DDX27: variants seen among roughly 807,000 people sequenced by gnomAD.
DDX27 encodes probable ATP-dependent RNA helicase DDX27.
A neutral mutation model predicts 99.3 loss-of-function variants in DDX27; 42 were observed. The ratio of observed to expected loss-of-function variants is 0.42; its 90% CI spans 0.33 to 0.55. The LOEUF is 0.55. DDX27 is among the 20% of genes least tolerant of loss of function. DDX27 has a pLI of 0.07. For missense variants in DDX27, 798 were observed against 976.8 expected (o/e 0.82, Z 2.44); for synonymous variants, 329 against 353.8 (o/e 0.93, Z 0.79).
intron 4 of DDX27, among the ~76,000 whole-genome samples, chr20:49,224,449 G>A (rs532431380): frequency 1.4e-5 from 2 of 147,296 alleles, no homozygotes; most frequent in African/African-American, 5.0e-5. Flanking sequence ...TGCAACCTCT[G>A]CCTCCCGGGT....
In DDX27 at chr20:49,241,987, A is replaced by G; in HGVS notation, c.1992A>G (p.Thr664=). The stretch of plus-strand genomic sequence containing the variant: ...ATGCCAAAAAAAAGGGGGAGATGAC[A>G]GTGAGTGGCCTCCCTTTTGGAGTTT... The part of the protein sequence containing the change: ...MKDAKKKGEM[T]AEERSQFEIL... The change falls in exon 17 of 21, where the codon ACA becomes ACG. Residue 664 remains threonine (T), a splice_region_variant and synonymous_variant. Transcript: ENST00000618172. 8.7e-6 allele frequency: 14 copies of G among 1,613,832 alleles called. No homozygotes were observed. The highest frequency in any genetic ancestry group is 1.2e-5 in the Non-Finnish European group (14 of 1,179,908).
chr20:49,232,923 T>G, intron 9 of DDX27: 1 of 100,068 alleles, frequency 1.0e-5, no homozygotes, highest in African/African-American at 3.6e-5. Flanking sequence ...AAACTCCATC[T>G]CAAAAAAAAA....
chr20:49,235,972 TGACCTC>T (rs887205880), intron 12 of DDX27, 172 bp from the exon 13 acceptor site: 1 of 460,706 alleles, frequency 2.2e-6, no homozygotes, highest in Non-Finnish European at 3.9e-6. Flanking sequence ...CTCGATCTCC[TGACCTC>T]GTGATCTGCC....
In DDX27 at chr20:49,228,768, C is replaced by A. The variant is rs202187886; in HGVS notation, c.760C>A (p.Arg254Ser). ...PVLERLIYKP[R>S]QAPVTRVLVL... ...TTTGGAGCGTCTGATTTATAAACCC[C>A]GCCAGGCTCCAGTCACCCGCGTGCT... Residue 254 changes from arginine (R) to serine (S), a missense_variant, in exon 8 of 21, where the codon CGC (arginine) becomes AGC (serine). Arg to Ser is a moderately radical substitution (Grantham distance 110). Around this residue, in one of 2 missense-constraint regions of DDX27, gnomAD observed 553 missense variants for 727.9 expected, o/e 0.76. Coordinates refer to ENST00000618172, the MANE Select transcript of DDX27 (RefSeq NM_017895.8). 1.2e-6 allele frequency: 2 copies of A among 1,613,068 alleles called. No individual in the cohort carries two copies. The highest frequency in any genetic ancestry group is 4.5e-5 in the East Asian group (2 of 44,760).
chr20:49,222,161 C>G (rs1310275025), intron 2 of DDX27, among the ~76,000 whole-genome samples: 1 of 151,942 alleles, frequency 6.6e-6, no homozygotes, highest in Middle Eastern at 3.4e-3. Context: ...GAGACAGAGT[C>G]TCTCTCCATT....
Position 49,236,525 on chromosome 20 carries a change from CT to C in DDX27, c.1687+16del. ...ACTTCCCCAAGGTGAGCAGGCACCC[CT>C]GTGGCAGTGCAGAATGGCTCGGTGG... On this transcript the variant is annotated intron_variant, in intron 14 of 20. Transcript: ENST00000618172. This position sits in a 1 kb window ranked among gnomAD's most constrained non-coding sequence, Gnocchi z 4.1. 1.3e-6 allele frequency: 2 copies of C among 1,556,826 alleles called. No individual in the cohort carries two copies. Among genetic ancestry groups the C allele is most frequent in the Non-Finnish European group, 1.7e-6 (2 of 1,150,556 alleles).
Position 49,225,168 on chromosome 20 carries a change from A to C in DDX27, c.569A>C (p.Gln190Pro). The change falls in exon 6 of 21, where the codon CAG becomes CCG. Residue 190 changes from glutamine to proline, a missense_variant. By Grantham distance (76) the Gln-to-Pro change is moderately conservative (BLOSUM62 -1). Coordinates refer to ENST00000618172, the MANE Select transcript of DDX27 (RefSeq NM_017895.8). ...CAGTACGATGAAAACCTCTCGTTCC[A>C]GGACATGAACCTTTCCCGCCCTCTT... The part of the protein sequence containing the change: ...ASQYDENLSF[Q>P]DMNLSRPLLK... 1 of 1,614,118 alleles carries C rather than the reference A, an allele frequency of 6.2e-7. No homozygotes were observed.
rs1980317520 is a variant in DDX27 at position 49,236,575 on chromosome 20, G to A, written c.1687+65G>A. ...GGGCGGGGCAAGGACAGAGTGTAAT[G>A]GCTGAGAGCAGGTACTTTGCAGTTC... On this transcript the variant is annotated intron_variant, in intron 14 of 20. Coordinates refer to ENST00000618172, the MANE Select transcript of DDX27 (RefSeq NM_017895.8). The surrounding 1 kb of genome is among the most constrained non-coding windows in gnomAD (Gnocchi z 4.1). 1 of 1,453,272 alleles carries A rather than the reference G, an allele frequency of 6.9e-7. No homozygotes were observed. The highest frequency in any genetic ancestry group is 1.4e-5 in the African/African-American group (1 of 70,172). 90.0% of individuals were successfully genotyped at this position (1,453,272 alleles called of 1,614,324 possible).
At position 49,219,549 on chromosome 20, in the gene DDX27, C is replaced by T. The variant is rs1368273984; in HGVS notation, c.93+8C>T. On this transcript the variant is annotated splice_region_variant and intron_variant, in intron 1 of 20. Transcript: ENST00000618172. ...GGGGACGAGGAAGAGGAGGTATGAG[C>T]ACGGTTCTGGTCTTTGGGTTTCCTT... The T allele has an allele frequency of 6.2e-7, 1 of 1,612,180 alleles. No homozygotes were observed. The highest frequency in any genetic ancestry group is 8.5e-7 in the Non-Finnish European group (1 of 1,178,974).
At position 49,235,032 on chromosome 20, in the gene DDX27, G is replaced by GCT; in HGVS notation, c.1372_1373insTC (p.Gln458LeufsTer48). 6.2e-7 allele frequency: 1 copy of GCT among 1,613,464 alleles called. No homozygotes were observed. The highest frequency in any genetic ancestry group is 8.5e-7 in the Non-Finnish European group (1 of 1,179,744). ...ACATCCTCCTGGGGCTCATGGGGCTGCAGGTGGGTGAGCTCCATGGCAACT... is the reference window on the plus strand; with the variant it reads ...ACATCCTCCTGGGGCTCATGGGGCTGCTCAGGTGGGTGAGCTCCATGGCAACT... On this transcript the variant is annotated frameshift_variant, in exon 12 of 21. Transcript: ENST00000618172. LOFTEE classifies it high-confidence loss of function.
At chr20:49,222,649 G>T (rs992650709) in intron 2 of DDX27, among the ~76,000 whole-genome samples, 6 of 152,024 alleles carry the variant, frequency 3.9e-5, no homozygotes, top group African/African-American at 1.4e-4. Flanking sequence ...CGAGTAGCTG[G>T]GATTACAGGC....
At position 49,242,675 on chromosome 20, in the gene DDX27, G is replaced by A. The variant is rs1283744604; in HGVS notation, c.2198G>A (p.Arg733Gln). 5 of 1,613,008 alleles carry A rather than the reference G, an allele frequency of 3.1e-6. No homozygotes were observed. The highest frequency in any genetic ancestry group is 4.2e-6 in the Non-Finnish European group (5 of 1,179,502). Residue 733 changes from arginine to glutamine, a missense_variant, in exon 19 of 21, where the codon CGA (arginine) becomes CAA (glutamine). This residue lies in a region of DDX27 where 553 missense variants were observed against 727.9 expected (regional missense o/e 0.76). Transcript: ENST00000618172. The stretch of plus-strand genomic sequence containing the variant: ...AGCAAGAAGGCCCTGAAACAGTATC[G>A]AGCTGGGTAGGATTTTAAGTCATCA... ...NTSKKALKQY[R>Q]AGPSFEERKQ...
chr20:49,232,924 CAAA>C (rs567304526), intron 9 of DDX27: 164 of 117,664 alleles, frequency 1.4e-3, no homozygotes, highest in South Asian at 7.5e-3. Context: ...AACTCCATCT[CAAA>C]AAAAAAAAAA....
chr20:49,223,236 T>G lies in DDX27; in HGVS notation c.301-32T>G, dbSNP rs1277559845. On this transcript the variant is annotated intron_variant, in intron 3 of 20. Transcript: ENST00000618172. ...CTTAGGTTCTGGATTTCTAGAAGTTTCTCATCACCCTCACTTTAATTTTTT... is the reference window on the plus strand; with the variant it reads ...CTTAGGTTCTGGATTTCTAGAAGTTGCTCATCACCCTCACTTTAATTTTTT... The G allele has an allele frequency of 1.9e-6, 3 of 1,591,798 alleles. No homozygotes were observed. In the South Asian group the frequency reaches 3.4e-5, roughly 18 times the overall value.
Position 49,226,433 on chromosome 20 carries a change from A to G in DDX27, c.604A>G (p.Ile202Val), listed in dbSNP as rs749603225. 1.9e-6 allele frequency: 3 copies of G among 1,613,348 alleles called. No individual in the cohort carries two copies. The highest frequency in any genetic ancestry group is 3.3e-5 in the Admixed American group (2 of 59,922). Residue 202 changes from isoleucine to valine, a missense_variant, in exon 7 of 21, where the codon ATT becomes GTT. Ile to Val is a conservative substitution (Grantham distance 29). Transcript: ENST00000618172. ...GACCCAGTTCTTTTTTCCTCAGGCC[A>G]TTACAGCCATGGGCTTCAAGCAGCC... Reference protein sequence around the residue: ...MNLSRPLLKAITAMGFKQPTP... With the variant: ...MNLSRPLLKAVTAMGFKQPTP...
chr20:49,230,762 C>T (rs1185586867), intron 9 of DDX27, among the ~76,000 whole-genome samples: 1 of 152,182 alleles, frequency 6.6e-6, no homozygotes, highest in East Asian at 1.9e-4. Context: ...CTCCCTCTCC[C>T]CCCACCCCGC....
intron 9 of DDX27, chr20:49,231,162 C>G (rs978579289): frequency 7.2e-5 from 11 of 152,832 alleles, no homozygotes; most frequent in African/African-American, 2.6e-4. Flanking sequence ...TTGCTGGCTG[C>G]CCTGTGACGG....
In DDX27 at chr20:49,221,474, G is replaced by A. The variant is rs759277865; in HGVS notation, c.116G>A (p.Arg39Gln). 4.3e-6 allele frequency: 7 copies of A among 1,613,304 alleles called. No homozygotes were observed. Among genetic ancestry groups the A allele is most frequent in the Admixed American group, 1.7e-5 (1 of 59,960 alleles). Residue 39 changes from arginine (R) to glutamine (Q), a missense_variant, in exon 2 of 21, where the codon CGA becomes CAA. Physicochemically the swap from Arg to Gln is conservative, Grantham distance 43. Transcript: ENST00000618172. ...EEEGPIVLGR[R>Q]QKALGKNRSA... ...CAGGGGCCCATTGTGCTGGGCAGAC[G>A]ACAAAAAGCTTTGGGGAAGAACCGC... is the stretch of plus-strand genomic sequence containing the variant.
intron 6 of DDX27, 110 bp downstream of exon 6, chr20:49,225,309 G>GC: frequency 2.1e-6 from 2 of 933,312 alleles, no homozygotes; most frequent in Non-Finnish European, 3.4e-6. Flanking sequence ...CAACCTCCCA[G>GC]AGTGCTGGGA....
Sources: gnomAD v4.1 joint callset for allele counts (sites outside exome capture counted in the v4.1 genomes callset) on GRCh38, gnomAD v4.1.1 for gene constraint, gnomAD v4.1.1 regional missense constraint, Gnocchi (gnomAD v3.1) non-coding constraint, MANE v1.5 for transcripts, NCBI Gene and HGNC (gene_info 2026-07-23, HGNC 2026-07-21) for gene names.